The following ITGB5 variants were observed in gnomAD, a reference collection of about 807,000 sequenced individuals.
ITGB5 encodes integrin beta-5.
ITGB5 carries 38 observed loss-of-function variants against 84.8 expected under a neutral mutation model. The observed-to-expected ratio is 0.45, with a 90% confidence interval of 0.35 to 0.59. ITGB5 has a LOEUF of 0.59. ITGB5 is among the 20% of genes least tolerant of loss of function. The pLI, the probability that ITGB5 is intolerant of heterozygous loss-of-function variation, is 0.01. For synonymous variants in ITGB5, 393 were observed against 414.4 expected, an observed-to-expected ratio of 0.95 and a Z score of 0.63; for missense variants, 905 against 1,034.5, an observed-to-expected ratio of 0.87 and a Z score of 1.72.
In ITGB5 at chr3:124,900,205, G is replaced by A. The variant is rs549850436; in HGVS notation, c.-255+1061C>T. The stretch of plus-strand genomic sequence containing the variant: ...TGACAGAGAGGTAGGCAATGGAGTC[G>A]GACTGCCTGGCTCAAATCCTGGCTG... On this transcript the variant is annotated intron_variant, in intron 1 of 4. Coordinates refer to the ITGB5 transcript ENST00000608657. Among the ~76,000 whole-genome samples the A allele has an allele frequency of 7.1e-4, 108 of 152,196 alleles. No homozygotes were observed. In the Middle Eastern group the frequency reaches 0.01, roughly 14 times the overall value.
intron 8 of ITGB5, among the ~76,000 whole-genome samples, chr3:124,814,911 G>A (rs530436357): frequency 7.9e-5 from 12 of 152,224 alleles, no homozygotes; most frequent in Admixed American, 3.3e-4. Context: ...TCCAAAAGCA[G>A]CTCCAGCCCA....
chr3:124,870,168 C>A (rs538704065), intron 2 of ITGB5, among the ~76,000 whole-genome samples: 1 of 152,238 alleles, frequency 6.6e-6, no homozygotes, highest in South Asian at 2.1e-4. Flanking sequence ...CAAATTCCTG[C>A]CAGATTCTTG....
intron 6 of ITGB5, among the ~76,000 whole-genome samples, chr3:124,820,638 T>C (rs1280502647): frequency 6.6e-6 from 1 of 152,108 alleles, no homozygotes; most frequent in African/African-American, 2.4e-5. Flanking sequence ...CAGAATGGAT[T>C]TGAGAAAGAA....
At chr3:124,795,928 G>A (rs1033085500) in intron 10 of ITGB5, among the ~76,000 whole-genome samples, 1 of 152,222 alleles carries the variant, frequency 6.6e-6, no homozygotes, top group African/African-American at 2.4e-5. Flanking sequence ...CTCCAGAACT[G>A]TAATGGATTA....
At chr3:124,823,128 A>C (rs1212964512) in intron 5 of ITGB5, among the ~76,000 whole-genome samples, 1 of 152,050 alleles carries the variant, frequency 6.6e-6, no homozygotes, top group East Asian at 1.9e-4. Flanking sequence ...CCAGCCATGG[A>C]GATGTGCACC....
At chr3:124,817,388 G>A (rs998483101) in intron 8 of ITGB5, among the ~76,000 whole-genome samples, 26 of 152,202 alleles carry the variant, frequency 1.7e-4, no homozygotes, top group African/African-American at 5.8e-4. Context: ...ACTGAGATCT[G>A]CAGATGAGAG....
rs561236897 is a variant in ITGB5 at position 124,898,622 on chromosome 3, C to T, written c.-255+2644G>A. Among the ~76,000 whole-genome samples the T allele has an allele frequency of 8.1e-5, 9 of 110,992 alleles. No individual in the cohort carries two copies. The East Asian group carries it at 8.7e-4, about 11-fold the overall frequency. The allele number at this position is 110,992 out of a possible 152,430, so 72.8% of individuals were successfully genotyped here. A position where few individuals can be genotyped will look rare whatever the true frequency, so the allele number is the denominator to read the frequency against. ...TTGTGCAACTGCACTCCAGCCTAGG[C>T]GACACAGCGAGACTCCGTCTCAAAA... On this transcript the variant is annotated intron_variant, in intron 1 of 4. Coordinates refer to the ITGB5 transcript ENST00000608657.
At chr3:124,764,080 C>T (rs1294113347) in intron 14 of ITGB5, among the ~76,000 whole-genome samples, 1 of 152,156 alleles carries the variant, frequency 6.6e-6, no homozygotes, top group African/African-American at 2.4e-5. Context: ...TTGTAATGGA[C>T]CATAAGAATC....
intron 1 of ITGB5, among the ~76,000 whole-genome samples, chr3:124,899,549 A>G (rs548541518): frequency 5.4e-4 from 82 of 152,208 alleles, no homozygotes; most frequent in African/African-American, 2.0e-3. Flanking sequence ...AGGAAGTCAT[A>G]TCTGGGGTAA....
intron 2 of ITGB5, among the ~76,000 whole-genome samples, chr3:124,865,531 G>A (rs2065376792): frequency 7.9e-6 from 1 of 126,714 alleles, no homozygotes; most frequent in Non-Finnish European, 1.5e-5. Context: ...CTGTCGTCTA[G>A]GCTGGAGTGC....
intron 1 of ITGB5, among the ~76,000 whole-genome samples, chr3:124,893,274 G>A (rs967154283): frequency 6.6e-6 from 1 of 152,058 alleles, no homozygotes; most frequent in African/African-American, 2.4e-5. Context: ...TGGATGTGGT[G>A]GCGTGCTCCT....
chr3:124,865,150 C>T (rs746880844), intron 2 of ITGB5, among the ~76,000 whole-genome samples: 1 of 152,176 alleles, frequency 6.6e-6, no homozygotes, highest in South Asian at 2.1e-4. Flanking sequence ...GATCTGTTAC[C>T]TACCAAACAT....
intron 7 of ITGB5, among the ~76,000 whole-genome samples, chr3:124,818,639 C>T (rs1380412996): frequency 1.3e-5 from 2 of 151,150 alleles, no homozygotes; most frequent in African/African-American, 4.9e-5. Context: ...TCAGCCTCCC[C>T]GGTAGCTGGG....
chr3:124,773,674 T>C lies in ITGB5; in HGVS notation c.1916+16A>G, dbSNP rs1456113226. On this transcript the variant is annotated intron_variant, in intron 11 of 14. Transcript: ENST00000296181. Reference sequence around the variant, plus strand: ...CTGGGTGAGAAGTAAGGTGGGGCTGTCAGTGGAACCAGTACCTCTTGGTGC... The same window carrying C: ...CTGGGTGAGAAGTAAGGTGGGGCTGCCAGTGGAACCAGTACCTCTTGGTGC... 2.5e-6 allele frequency: 4 copies of C among 1,609,440 alleles called. No individual in the cohort carries two copies. Among genetic ancestry groups the C allele is most frequent in the Admixed American group, 3.3e-5 (2 of 59,928 alleles).
chr3:124,821,209 T>C, intron 6 of ITGB5, 104 bp downstream of exon 6: 3 of 1,288,860 alleles, frequency 2.3e-6, no homozygotes, highest in Admixed American at 2.1e-5. Context: ...AGCCAGTGAA[T>C]ACTGAGGGCC....
intron 11 of ITGB5, among the ~76,000 whole-genome samples, chr3:124,772,860 A>G (rs1408288196): frequency 6.6e-6 from 1 of 151,294 alleles, no homozygotes; most frequent in Non-Finnish European, 1.5e-5. Context: ...AGCCATTTGC[A>G]GTGGTTTCTG....
intron 1 of ITGB5, among the ~76,000 whole-genome samples, chr3:124,900,753 G>C (rs1166904617): frequency 1.3e-5 from 2 of 152,030 alleles, no homozygotes; most frequent in Non-Finnish European, 2.9e-5. Flanking sequence ...CACCTCCCAC[G>C]GGTGGCATTT....
In ITGB5 at chr3:124,796,643, C is replaced by T. The variant is rs370619861; in HGVS notation, c.1438G>A (p.Gly480Arg). 23 of 1,613,894 alleles carry T rather than the reference C, an allele frequency of 1.4e-5. No homozygotes were observed. Among genetic ancestry groups the T allele is most frequent in the Admixed American group, 3.3e-5 (2 of 59,988 alleles). The change falls in exon 10 of 15, where the codon GGG (glycine) becomes AGG (arginine). Residue 480 changes from glycine to arginine, a missense_variant. Transcript: ENST00000296181. ...TCACACAGGCCGCAGACATAGGTCC[C>T]GCTCCCGTTGCACCTGGCGCTGTTG... The part of the protein sequence containing the change: ...EPNSARCNGS[G>R]TYVCGLCECS...
intron 1 of ITGB5, among the ~76,000 whole-genome samples, chr3:124,874,693 T>C (rs572121383): frequency 6.6e-5 from 10 of 152,108 alleles, no homozygotes; most frequent in Non-Finnish European, 1.5e-4. Flanking sequence ...TGCCCAGAAA[T>C]AAATCCAGGC....
Sources: gnomAD v4.1 joint callset for allele counts (sites outside exome capture counted in the v4.1 genomes callset) on GRCh38, gnomAD v4.1.1 for gene constraint, MANE v1.5 for transcripts, NCBI Gene and HGNC (gene_info 2026-07-23, HGNC 2026-07-21) for gene names.